ITGAL: variants seen among roughly 807,000 people sequenced by gnomAD.
ITGAL encodes the protein integrin subunit alpha L.
Under a neutral mutation model 138.4 loss-of-function variants are expected in ITGAL, and 68 were observed. The observed-to-expected ratio is 0.49, with a 90% CI of 0.40 to 0.60. The LOEUF (loss-of-function observed/expected upper bound fraction) is 0.60. Among genes scored for constraint, ITGAL ranks in the 20% least tolerant of loss-of-function variants. ITGAL has a pLI of 0.00. For synonymous variants in ITGAL, 561 were observed against 584.3 expected, an observed-to-expected ratio of 0.96 and a Z score of 0.57; for missense variants, 1,256 against 1,478.6, an observed-to-expected ratio of 0.85 and a Z score of 2.47.
chr16:30,504,070 C>A, intron 17 of ITGAL, 105 bp from the exon 18 acceptor site: 1 of 880,410 alleles, frequency 1.1e-6, no homozygotes, highest in Non-Finnish European at 1.9e-6. Flanking sequence ...AGACAAAGAA[C>A]TACCAGAATT....
At chr16:30,518,603 C>T (rs772411912) in intron 28 of ITGAL, 21 bp from the exon 29 acceptor site, 61 of 1,569,630 alleles carry the variant, frequency 3.9e-5, no homozygotes, top group African/African-American at 5.4e-5. Flanking sequence ...CGGGTTCTGA[C>T]GCCTTTCCCC....
intron 22 of ITGAL, 144 bp from the exon 23 acceptor site, chr16:30,510,737 G>A: frequency 1.4e-6 from 1 of 712,392 alleles, no homozygotes. Context: ...CCTCATCTTT[G>A]CAATGGGTAG....
At chr16:30,491,984 T>G (rs2050729922) in intron 11 of ITGAL, among the ~76,000 whole-genome samples, 1 of 152,172 alleles carries the variant, frequency 6.6e-6, no homozygotes, top group South Asian at 2.1e-4. Flanking sequence ...GTCTCTTCAC[T>G]CTTCCTTCCA....
At position 30,517,845 on chromosome 16, in the gene ITGAL, G is replaced by A; in HGVS notation, c.3082G>A (p.Glu1028Lys). The A allele has an allele frequency of 1.2e-6, 2 of 1,614,170 alleles. No homozygotes were observed. The highest frequency in any genetic ancestry group is 1.7e-6 in the Non-Finnish European group (2 of 1,180,032). Reference protein sequence around the residue: ...LFRCPVVFRQEILVQVIGTLE... With the variant: ...LFRCPVVFRQKILVQVIGTLE... ...CCGCTGCCCTGTTGTCTTCAGGCAG[G>A]AGATCCTCGTCCAAGTGATCGGGAC... The change falls in exon 28 of 31, where the codon GAG (glutamate) becomes AAG (lysine). Residue 1028 changes from glutamate (E) to lysine (K), a missense_variant. Physicochemically the swap from Glu to Lys is moderately conservative, Grantham distance 56. This residue lies in a region of ITGAL where 867 missense variants were observed against 972.5 expected (regional missense o/e 0.89). Coordinates refer to ENST00000356798, the MANE Select transcript of ITGAL (RefSeq NM_002209.3).
rs138973211 is a variant in ITGAL, at chr16:30,501,767, C to T, written c.2145+2278C>T. Among the ~76,000 whole-genome samples, 770 of 152,010 alleles carry T rather than the reference C, an allele frequency of 5.1e-3. 5 individuals carry two copies. Among genetic ancestry groups the T allele is most frequent in the African/African-American group, 0.017 (719 of 41,446 alleles). ...TAAAAAAGTTAAAACAGGCCAGGCACGGTGGCTCATGCCAGCACTTTGAGA... is the reference window on the plus strand; with the variant it reads ...TAAAAAAGTTAAAACAGGCCAGGCATGGTGGCTCATGCCAGCACTTTGAGA... On this transcript the variant is annotated intron_variant, in intron 17 of 30. Transcript: ENST00000356798.
At chr16:30,518,935 C>G (rs1161190915) in intron 29 of ITGAL, among the ~76,000 whole-genome samples, 1 of 152,106 alleles carries the variant, frequency 6.6e-6, no homozygotes, top group Non-Finnish European at 1.5e-5. Context: ...GAGTAAAGTT[C>G]AATCGAGGCC....
At chr16:30,486,668 A>C (rs1399668331) in intron 9 of ITGAL, among the ~76,000 whole-genome samples, 1 of 152,120 alleles carries the variant, frequency 6.6e-6, no homozygotes, top group Non-Finnish European at 1.5e-5. Flanking sequence ...AAAATGGAAA[A>C]AGTTCAGTGT....
intron 20 of ITGAL, among the ~76,000 whole-genome samples, chr16:30,506,397 CAA>C (rs34457944): frequency 1.8e-4 from 25 of 142,808 alleles, no homozygotes; most frequent in Non-Finnish European, 2.0e-4. Context: ...ACTTAAAATA[CAA>C]AAAAAAAAAA....
chr16:30,474,860 CTT>C (rs58194640), intron 2 of ITGAL, among the ~76,000 whole-genome samples: 3 of 114,416 alleles, frequency 2.6e-5, no homozygotes, highest in Admixed American at 9.7e-5. Flanking sequence ...TTTTTTTTTT[CTT>C]TTTTTTTTTT....
intron 2 of ITGAL, 153 bp downstream of exon 2, chr16:30,474,451 C>G (rs2050439694): frequency 4.9e-6 from 3 of 615,422 alleles, no homozygotes; most frequent in East Asian, 2.8e-5. Flanking sequence ...TGGGAATCCT[C>G]AGAGACAGGA....
chr16:30,488,702 CAAAAAAAAAAAA>C (rs34533619), intron 9 of ITGAL, among the ~76,000 whole-genome samples: 48 of 57,694 alleles, frequency 8.3e-4, no homozygotes, highest in Non-Finnish European at 1.5e-3. Context: ...GACTCCATCT[CAAAAAAAAAAAA>C]AAAAAAAAAA....
chr16:30,496,869 T>G (rs1022935044), intron 15 of ITGAL, among the ~76,000 whole-genome samples: 2 of 150,622 alleles, frequency 1.3e-5, no homozygotes, highest in Non-Finnish European at 2.9e-5. Flanking sequence ...GGTCTCAAAC[T>G]CCTGGTCTCA....
intron 7 of ITGAL, 106 bp from the exon 8 acceptor site, chr16:30,483,721 G>T: frequency 8.0e-7 from 1 of 1,253,016 alleles, no homozygotes; most frequent in Non-Finnish European, 1.1e-6. Flanking sequence ...GATCCAGGAA[G>T]GGCTTTTGCG....
chr16:30,476,355 A>G (rs777822423), intron 4 of ITGAL, among the ~76,000 whole-genome samples: 5 of 151,944 alleles, frequency 3.3e-5, no homozygotes, highest in African/African-American at 4.8e-5. Context: ...ACTTAACCTC[A>G]CTTTTCTTCC....
In ITGAL at chr16:30,522,449, ACGT is replaced by A. The variant is rs2051267595; in HGVS notation, c.*786_*788del. On this transcript the variant is annotated 3_prime_UTR_variant, in exon 31 of 31. Transcript: ENST00000356798. The surrounding 1 kb of genome is among the most constrained non-coding windows in gnomAD (Gnocchi z 4.0). ...AGCCTGCACTACTCCCTCAAAGCACACGTCATGTTTCTTCATCCGGCAGCCTGG... is the reference window on the plus strand; with the variant it reads ...AGCCTGCACTACTCCCTCAAAGCACACATGTTTCTTCATCCGGCAGCCTGG... 3.3e-5 allele frequency: 5 copies of A among 152,316 alleles called. No individual in the cohort carries two copies. The South Asian group carries it at 1.0e-3, about 32-fold the overall frequency. The allele number at this position is 152,316 out of a possible 1,614,324, so 9.4% of individuals were successfully genotyped here.
At chr16:30,502,465 G>A (rs578242957) in intron 17 of ITGAL, among the ~76,000 whole-genome samples, 3 of 147,562 alleles carry the variant, frequency 2.0e-5, no homozygotes, top group African/African-American at 5.0e-5. Flanking sequence ...TTTCATAAAA[G>A]GCCAGGCATG....
intron 28 of ITGAL, among the ~76,000 whole-genome samples, chr16:30,518,161 C>A (rs2051198656): frequency 6.6e-6 from 1 of 152,036 alleles, no homozygotes; most frequent in Non-Finnish European, 1.5e-5. Context: ...TAGGGTGCCA[C>A]AGTAGAGGCT....
At chr16:30,489,188 G>A in intron 10 of ITGAL, 33 bp downstream of exon 10, 1 of 1,613,604 alleles carries the variant, frequency 6.2e-7, no homozygotes, top group Non-Finnish European at 8.5e-7. Context: ...GGGCTGCAGG[G>A]AGTGCAGTTG....
intron 17 of ITGAL, among the ~76,000 whole-genome samples, chr16:30,502,120 G>A (rs1026720272): frequency 1.4e-4 from 22 of 152,048 alleles, no homozygotes; most frequent in Non-Finnish European, 2.1e-4. Context: ...TAATATGGCC[G>A]GGCGCGGTGG....
Sources: gnomAD v4.1 joint callset for allele counts (sites outside exome capture counted in the v4.1 genomes callset) on GRCh38, gnomAD v4.1.1 for gene constraint, gnomAD v4.1.1 regional missense constraint, Gnocchi (gnomAD v3.1) non-coding constraint, MANE v1.5 for transcripts, NCBI Gene and HGNC (gene_info 2026-07-23, HGNC 2026-07-21) for gene names.